SLC44A1: variants seen among roughly 807,000 people sequenced by gnomAD.
SLC44A1 encodes the protein choline transporter-like protein 1.
In SLC44A1, 26 loss-of-function variants were observed where a neutral mutation model predicts 79.3. The observed-to-expected ratio is 0.33, with a 90% CI of 0.24 to 0.46. The LOEUF (loss-of-function observed/expected upper bound fraction) is 0.46. SLC44A1 is among the 20% of genes least tolerant of loss of function. SLC44A1 has a pLI of 1.00. For synonymous variants in SLC44A1, 263 were observed against 286.2 expected (o/e 0.92, Z 0.82); for missense variants, 688 against 798.1 (o/e 0.86, Z 1.66).
rs539597654 is a variant in SLC44A1 at position 105,395,973 on chromosome 9, G to T, written c.*6917G>T. 1.2e-4 allele frequency: 123 copies of T among 984,752 alleles called. No individual in the cohort carries two copies. Among genetic ancestry groups the T allele is most frequent in the Non-Finnish European group, 1.4e-4 (115 of 829,604 alleles). The allele number at this position is 984,752 out of a possible 1,614,324, so 61.0% of individuals were successfully genotyped here. On this transcript the variant is annotated 3_prime_UTR_variant, in exon 16 of 16. Coordinates refer to ENST00000374720, the MANE Select transcript of SLC44A1 (RefSeq NM_080546.5). ...AATAATAGGATAGCTTTGGGGGCTG[G>T]TGATTTGAAACAGGGACTATTAAGT...
At position 105,395,150 on chromosome 9, in the gene SLC44A1, G is replaced by A. The variant is rs1828849462; in HGVS notation, c.*6094G>A. 1.0e-6 allele frequency: 1 copy of A among 985,446 alleles called. No homozygotes were observed. Among genetic ancestry groups the A allele is most frequent in the African/African-American group, 1.7e-5 (1 of 57,362 alleles). 61.0% of individuals were successfully genotyped at this position (985,446 alleles called of 1,614,324 possible). The stretch of plus-strand genomic sequence containing the variant: ...GAAAGTGGAAATATAACTGGCTGGT[G>A]AAGAAAGGAGAAAAGTCAGCCCCCT... On this transcript the variant is annotated 3_prime_UTR_variant, in exon 16 of 16. Transcript: ENST00000374720.
intron 3 of SLC44A1, among the ~76,000 whole-genome samples, chr9:105,313,830 T>C (rs1003226916): frequency 4.6e-5 from 7 of 151,898 alleles, no homozygotes; most frequent in African/African-American, 1.5e-4. Context: ...GTGATCTTGG[T>C]TCACTGCAAC....
chr9:105,389,490 TTTTAC>T lies in SLC44A1; in HGVS notation c.*436_*440del. On this transcript the variant is annotated 3_prime_UTR_variant, in exon 16 of 16. Transcript: ENST00000374720. ...ATGTCTGTATAAAATCAAGATCTTA[TTTTAC>T]TGATGCATAAGTCCTAGTGGGTCAA... The T allele has an allele frequency of 9.6e-7, 1 of 1,039,150 alleles. No homozygotes were observed. The highest frequency in any genetic ancestry group is 1.2e-6 in the Non-Finnish European group (1 of 864,754). 64.4% of individuals were successfully genotyped at this position (1,039,150 alleles called of 1,614,324 possible).
At chr9:105,406,337 CT>C (rs1829029266) in intron 15 of SLC44A1, among the ~76,000 whole-genome samples, 1 of 152,186 alleles carries the variant, frequency 6.6e-6, no homozygotes, top group Admixed American at 6.5e-5. Context: ...GAGGAAGAAT[CT>C]GATTTCCAGA....
chr9:105,323,830 C>T (rs756849836), intron 3 of SLC44A1, among the ~76,000 whole-genome samples: 3 of 152,108 alleles, frequency 2.0e-5, no homozygotes, highest in Non-Finnish European at 4.4e-5. Flanking sequence ...TTGTCATCAC[C>T]CTTAATTGTT....
chr9:105,323,232 A>AAAAG (rs1413690563), intron 3 of SLC44A1, among the ~76,000 whole-genome samples: 1 of 148,554 alleles, frequency 6.7e-6, no homozygotes, highest in Admixed American at 6.6e-5. Context: ...AAAAAAAAAA[A>AAAAG]AAAGAAAGAA....
At chr9:105,318,151 A>G (rs934477256) in intron 3 of SLC44A1, among the ~76,000 whole-genome samples, 4 of 152,168 alleles carry the variant, frequency 2.6e-5, no homozygotes, top group Non-Finnish European at 4.4e-5. Flanking sequence ...TTCTAAATGA[A>G]AACTTATTGT....
At chr9:105,288,396 C>T (rs570780023) in intron 1 of SLC44A1, among the ~76,000 whole-genome samples, 75 of 152,030 alleles carry the variant, frequency 4.9e-4, no homozygotes, top group Non-Finnish European at 7.6e-4. Context: ...TCGCCCTGGC[C>T]GGGGTGCGGT....
rs75507069 is a variant in SLC44A1, at chr9:105,251,826, A to G, written c.36+6922A>G. Among the ~76,000 whole-genome samples, 16 of 152,312 alleles carry G rather than the reference A, an allele frequency of 1.1e-4. No individual in the cohort carries two copies. In the East Asian group the frequency reaches 3.1e-3, roughly 29 times the overall value. ...AAGCCTTTTCTGATCCCTTCAAACT[A>G]GGCCATGTCTCCTCATTAAACTCTC... On this transcript the variant is annotated intron_variant, in intron 1 of 15. Transcript: ENST00000374720.
chr9:105,421,048 T>C (rs757965090), intron 15 of SLC44A1, among the ~76,000 whole-genome samples: 1 of 152,144 alleles, frequency 6.6e-6, no homozygotes, highest in Non-Finnish European at 1.5e-5. Context: ...CAGAGTTCCA[T>C]AGGTTTAACC....
At chr9:105,432,907 A>G (rs1829415457) in intron 15 of SLC44A1, among the ~76,000 whole-genome samples, 1 of 152,160 alleles carries the variant, frequency 6.6e-6, no homozygotes, top group Non-Finnish European at 1.5e-5. Flanking sequence ...ATCAAAAGAC[A>G]CCATTAAAAG....
Position 105,383,150 on chromosome 9 carries a change from G to A in SLC44A1, c.1660G>A (p.Ala554Thr), listed in dbSNP as rs199670906. The A allele has an allele frequency of 1.1e-5, 17 of 1,614,080 alleles. No homozygotes were observed. The highest frequency in any genetic ancestry group is 1.3e-5 in the Non-Finnish European group (15 of 1,179,942). Reference sequence around the variant, plus strand: ...GCTGATAGTCTGCAGCACAGGTTTAGCTGGGATTATGCTGCTCAACTACCA... The same window carrying A: ...GCTGATAGTCTGCAGCACAGGTTTAACTGGGATTATGCTGCTCAACTACCA... Reference protein sequence around the residue: ...KVLIVCSTGLAGIMLLNYQQD... With the variant: ...KVLIVCSTGLTGIMLLNYQQD... The change falls in exon 14 of 16, where the codon GCT becomes ACT. Residue 554 changes from alanine to threonine, a missense_variant. Coordinates refer to ENST00000374720, the MANE Select transcript of SLC44A1 (RefSeq NM_080546.5).
chr9:105,427,106 AT>A (rs1829333193), intron 15 of SLC44A1, among the ~76,000 whole-genome samples: 1 of 151,876 alleles, frequency 6.6e-6, no homozygotes, highest in Non-Finnish European at 1.5e-5. Context: ...AATTTTTTGT[AT>A]TTTTTAGTAG....
chr9:105,252,633 A>G (rs1829616191), intron 1 of SLC44A1, among the ~76,000 whole-genome samples: 1 of 152,168 alleles, frequency 6.6e-6, no homozygotes, highest in South Asian at 2.1e-4. Flanking sequence ...TCAGATTTAC[A>G]GTGGTGATGT....
At chr9:105,383,050 T>C (rs1588855122) in intron 13 of SLC44A1, 73 bp from the exon 14 acceptor site, 1 of 1,008,020 alleles carries the variant, frequency 9.9e-7, no homozygotes, top group East Asian at 2.4e-5. Flanking sequence ...GAATTTTAAG[T>C]CTGCAAATGG....
rs750977554 is a variant in SLC44A1, at chr9:105,406,603, AT to A, written c.1950+21102del. Among the ~76,000 whole-genome samples the A allele has an allele frequency of 3.3e-3, 499 of 152,186 alleles. 3 individuals are homozygous for A. Among genetic ancestry groups the A allele is most frequent in the Non-Finnish European group, 5.2e-3 (356 of 68,008 alleles). Reference sequence around the variant, plus strand: ...CAAAAAATAGAAAAAGTAGCCGAACATGGTGGCGTGCATCTGTAGTCCCACC... The same window carrying A: ...CAAAAAATAGAAAAAGTAGCCGAACAGGTGGCGTGCATCTGTAGTCCCACC... On this transcript the variant is annotated intron_variant, in intron 15 of 15. Coordinates refer to the SLC44A1 transcript ENST00000374724.
At chr9:105,291,245 G>A (rs1830595412) in intron 1 of SLC44A1, among the ~76,000 whole-genome samples, 1 of 152,200 alleles carries the variant, frequency 6.6e-6, no homozygotes, top group Non-Finnish European at 1.5e-5. Context: ...ATTTAATGAA[G>A]CAGTATGTCC....
chr9:105,287,031 A>G (rs1830495110), intron 1 of SLC44A1, among the ~76,000 whole-genome samples: 1 of 152,214 alleles, frequency 6.6e-6, no homozygotes, highest in Non-Finnish European at 1.5e-5. Context: ...CAAGGAAGGT[A>G]AATTAGCAAG....
intron 1 of SLC44A1, among the ~76,000 whole-genome samples, chr9:105,273,112 C>T (rs1830115774): frequency 6.6e-6 from 1 of 152,112 alleles, no homozygotes; most frequent in African/African-American, 2.4e-5. Flanking sequence ...CTGCCTCAGC[C>T]TCCCTAGTAG....
Sources: gnomAD v4.1 joint callset for allele counts (sites outside exome capture counted in the v4.1 genomes callset) on GRCh38, gnomAD v4.1.1 for gene constraint, MANE v1.5 for transcripts, NCBI Gene and HGNC (gene_info 2026-07-23, HGNC 2026-07-21) for gene names.